The following PIP5K1B variants were observed in gnomAD, a reference collection of about 807,000 sequenced individuals.
PIP5K1B encodes phosphatidylinositol-4-phosphate 5-kinase type 1 beta.
In PIP5K1B, 42 loss-of-function variants were observed where a neutral mutation model predicts 67.0. The ratio of observed to expected loss-of-function variants is 0.63; its 90% CI spans 0.49 to 0.81. The LOEUF (loss-of-function observed/expected upper bound fraction) is 0.81, where lower values mean the gene tolerates loss of function less well. Among genes scored for constraint, PIP5K1B ranks in the 30% least tolerant of loss-of-function variants. The probability of loss-of-function intolerance (pLI) is 0.00; values close to 1 mark genes in which losing one functional copy is unlikely to be tolerated. For synonymous variants in PIP5K1B, 214 were observed against 231.4 expected (o/e 0.92, Z 0.68); for missense variants, 459 against 646.3 (o/e 0.71, Z 3.14).
At chr9:68,905,419 C>CA (rs1825563173) in intron 8 of PIP5K1B, among the ~76,000 whole-genome samples, 1 of 149,938 alleles carries the variant, frequency 6.7e-6, no homozygotes, top group Non-Finnish European at 1.5e-5. Flanking sequence ...GCAGAGTTGC[C>CA]AACAGCCAAT....
intron 15 of PIP5K1B, among the ~76,000 whole-genome samples, chr9:68,999,102 T>C (rs1445685271): frequency 6.6e-6 from 1 of 152,214 alleles, no homozygotes; most frequent in East Asian, 1.9e-4. Context: ...GGTCCTTTGA[T>C]CTGCGTCACT....
intron 8 of PIP5K1B, among the ~76,000 whole-genome samples, chr9:68,914,997 GAATTAT>G (rs1186386059): frequency 6.6e-6 from 1 of 152,196 alleles, no homozygotes; most frequent in Non-Finnish European, 1.5e-5. Context: ...GAGTCACCGT[GAATTAT>G]AATCATAGTG....
At chr9:68,967,080 C>T (rs41306243) in intron 14 of PIP5K1B, among the ~76,000 whole-genome samples, 1 of 152,270 alleles carries the variant, frequency 6.6e-6, no homozygotes, top group Non-Finnish European at 1.5e-5. Context: ...TCAAATGTCC[C>T]AGTTTCCAGA....
At chr9:68,996,478 T>C (rs1461626518) in intron 15 of PIP5K1B, among the ~76,000 whole-genome samples, 1 of 152,254 alleles carries the variant, frequency 6.6e-6, no homozygotes, top group African/African-American at 2.4e-5. Flanking sequence ...GTGTTTTTCA[T>C]TGAATTTTGA....
chr9:68,786,846 A>G (rs1463575845), intron 2 of PIP5K1B, among the ~76,000 whole-genome samples: 1 of 152,216 alleles, frequency 6.6e-6, no homozygotes, highest in Non-Finnish European at 1.5e-5. Flanking sequence ...CTTACCAAGC[A>G]GCTTCACGGA....
At chr9:68,954,266 A>G (rs1468193349) in intron 14 of PIP5K1B, among the ~76,000 whole-genome samples, 3 of 151,996 alleles carry the variant, frequency 2.0e-5, no homozygotes, top group Non-Finnish European at 4.4e-5. Flanking sequence ...GCTTCTTCCA[A>G]TCTTCTCCCC....
chr9:68,770,936 G>C (rs1040509558), intron 2 of PIP5K1B, among the ~76,000 whole-genome samples: 1 of 152,194 alleles, frequency 6.6e-6, no homozygotes, highest in African/African-American at 2.4e-5. Flanking sequence ...GTCTGGAAAT[G>C]TCAGCCCTAT....
chr9:68,733,826 G>T (rs1290205578), intron 1 of PIP5K1B, among the ~76,000 whole-genome samples: 1 of 151,958 alleles, frequency 6.6e-6, no homozygotes, highest in East Asian at 1.9e-4. Flanking sequence ...TTTTAGTTGA[G>T]ACGGGGTTTC....
At position 68,914,847 on chromosome 9, in the gene PIP5K1B, C is replaced by T. The variant is rs368364039; in HGVS notation, c.772-2701C>T. On this transcript the variant is annotated intron_variant, in intron 8 of 15. Coordinates refer to ENST00000265382, the MANE Select transcript of PIP5K1B (RefSeq NM_003558.4). ...AGCTTCTAAAGGAATTAGGATTTGC[C>T]AGAATGACACTGGTAAGCAGGCCAG... 1.4e-4 allele frequency among the ~76,000 whole-genome samples: 21 copies of T among 152,280 alleles called. No homozygotes were observed. In the East Asian group the frequency reaches 1.9e-3, roughly 14 times the overall value.
intron 2 of PIP5K1B, among the ~76,000 whole-genome samples, chr9:68,753,515 CTTTTTTTTTTTTTTT>C (rs71500334): frequency 2.6e-5 from 1 of 38,276 alleles, no homozygotes; most frequent in Non-Finnish European, 4.2e-5. Flanking sequence ...AATTTTGTTT[CTTTTTTTTTTTTTTT>C]TTTTTTTTTT....
At chr9:68,878,575 T>G (rs1824016293) in intron 6 of PIP5K1B, among the ~76,000 whole-genome samples, 7 of 152,200 alleles carry the variant, frequency 4.6e-5, no homozygotes, top group Admixed American at 3.9e-4. Context: ...AATTAATCAA[T>G]CAGTGGACAC....
At chr9:68,870,011 G>A (rs1367799415) in intron 5 of PIP5K1B, among the ~76,000 whole-genome samples, 1 of 152,096 alleles carries the variant, frequency 6.6e-6, no homozygotes, top group Admixed American at 6.5e-5. Flanking sequence ...AACTCTTTAT[G>A]TCTTTGTTCA....
chr9:68,831,435 G>A (rs1214589463), intron 4 of PIP5K1B, among the ~76,000 whole-genome samples: 2 of 152,164 alleles, frequency 1.3e-5, no homozygotes, highest in African/African-American at 2.4e-5. Flanking sequence ...GTACAGAGAG[G>A]TTAATTAAAT....
chr9:68,930,791 A>G (rs1308458833), intron 12 of PIP5K1B, among the ~76,000 whole-genome samples: 1 of 152,140 alleles, frequency 6.6e-6, no homozygotes, highest in Non-Finnish European at 1.5e-5. Flanking sequence ...TAAAGGAAAT[A>G]AACGTCCATG....
At chr9:68,935,094 T>TTATAC in intron 13 of PIP5K1B, 49 bp downstream of exon 13, 1 of 1,499,524 alleles carries the variant, frequency 6.7e-7, no homozygotes, top group South Asian at 1.2e-5. Flanking sequence ...TGTGATTTAT[T>TTATAC]TATACAAGTA....
chr9:68,806,762 G>A (rs771744993), intron 2 of PIP5K1B, among the ~76,000 whole-genome samples: 9 of 152,146 alleles, frequency 5.9e-5, no homozygotes, highest in Non-Finnish European at 1.0e-4. Flanking sequence ...CTAGACCACA[G>A]TCACCTCCCT....
At position 68,925,795 on chromosome 9, in the gene PIP5K1B, A is replaced by AT. The variant is rs71353094; in HGVS notation, c.1201+2429dup. Among the ~76,000 whole-genome samples, 182 of 73,274 alleles carry AT rather than the reference A, an allele frequency of 2.5e-3. 14 individuals carry two copies. The highest frequency in any genetic ancestry group is 9.8e-3 in the African/African-American group (172 of 17,552). 48.1% of individuals were successfully genotyped at this position (73,274 alleles called of 152,430 possible). On this transcript the variant is annotated intron_variant, in intron 12 of 15. Coordinates refer to ENST00000265382, the MANE Select transcript of PIP5K1B (RefSeq NM_003558.4). Reference sequence around the variant, plus strand: ...ACATGAATACCAGCTTGTGGTTCCAATTTTTTTTTTTTTTTTTTTTGAGAC... The same window carrying AT: ...ACATGAATACCAGCTTGTGGTTCCAATTTTTTTTTTTTTTTTTTTTTGAGAC...
intron 2 of PIP5K1B, chr9:68,789,029 G>T (rs1831804167): frequency 4.6e-6 from 2 of 434,058 alleles, no homozygotes; most frequent in Admixed American, 2.8e-5. Flanking sequence ...ATTCCAATCA[G>T]CTTGATACAG....
intron 14 of PIP5K1B, among the ~76,000 whole-genome samples, chr9:68,944,133 G>C (rs893126356): frequency 6.6e-6 from 1 of 152,160 alleles, no homozygotes; most frequent in Non-Finnish European, 1.5e-5. Flanking sequence ...GTGCAGTCTT[G>C]TGTTAGAGCA....
Sources: gnomAD v4.1 joint callset for allele counts (sites outside exome capture counted in the v4.1 genomes callset) on GRCh38, gnomAD v4.1.1 for gene constraint, MANE v1.5 for transcripts, NCBI Gene and HGNC (gene_info 2026-07-23, HGNC 2026-07-21) for gene names.